KDM4C: variants seen among roughly 807,000 people sequenced by gnomAD.
The protein encoded by KDM4C is lysine demethylase 4C.
KDM4C carries 81 observed loss-of-function variants against 129.3 expected under a neutral mutation model. The ratio of observed to expected loss-of-function variants is 0.63; its 90% CI spans 0.52 to 0.75. The LOEUF is 0.75. Among genes scored for constraint, KDM4C ranks in the 30% least tolerant of loss-of-function variants. KDM4C has a pLI of 0.00. For synonymous variants in KDM4C, 573 were observed against 456.1 expected (o/e 1.26, Z -3.26); for missense variants, 1,457 against 1,304.0 (o/e 1.12, Z -1.81).
intron 18 of KDM4C, among the ~76,000 whole-genome samples, chr9:7,105,002 A>T (rs1837517490): frequency 6.6e-6 from 1 of 151,772 alleles, no homozygotes; most frequent in East Asian, 2.0e-4. Context: ...CATCTATTTT[A>T]TTTGTCTTAT....
chr9:6,726,875 A>G (rs1041859715), intron 1 of KDM4C: 5 of 152,092 alleles, frequency 3.3e-5, no homozygotes, highest in Non-Finnish European at 7.3e-5. Context: ...AGCTGGGATT[A>G]CAGGCATACG....
At chr9:7,076,324 C>G (rs1833908803) in intron 17 of KDM4C, 1 of 746,904 alleles carries the variant, frequency 1.3e-6, no homozygotes, top group East Asian at 2.7e-5. Context: ...TGGGAAGTGT[C>G]TGAGCTGGGA....
intron 5 of KDM4C, among the ~76,000 whole-genome samples, chr9:6,851,095 C>T (rs1838765012): frequency 6.6e-6 from 1 of 152,148 alleles, no homozygotes; most frequent in African/African-American, 2.4e-5. Flanking sequence ...CTCATACAGG[C>T]TCCAGTGACA....
intron 1 of KDM4C, among the ~76,000 whole-genome samples, chr9:6,723,213 A>C (rs1026041873): frequency 3.3e-5 from 5 of 151,938 alleles, no homozygotes; most frequent in Non-Finnish European, 7.4e-5. Flanking sequence ...GTCTCTACTA[A>C]AAATACAAAA....
chr9:6,966,653 G>A (rs1305915362), intron 8 of KDM4C, among the ~76,000 whole-genome samples: 1 of 152,162 alleles, frequency 6.6e-6, no homozygotes, highest in African/African-American at 2.4e-5. Flanking sequence ...TAATAGAAGA[G>A]TTAATCCACA....
intron 1 of KDM4C, among the ~76,000 whole-genome samples, chr9:6,725,338 G>A (rs2130184738): frequency 6.6e-6 from 1 of 151,678 alleles, no homozygotes; most frequent in South Asian, 2.1e-4. Flanking sequence ...GTGTGTGTGT[G>A]TCTTTCTCTG....
chr9:6,978,611 T>A (rs1481559407), intron 8 of KDM4C: 1 of 152,212 alleles, frequency 6.6e-6, no homozygotes, highest in African/African-American at 2.4e-5. Flanking sequence ...TTTTTCTGTC[T>A]CTGTTCCTTT....
intron 17 of KDM4C, among the ~76,000 whole-genome samples, chr9:7,052,894 A>AGAGAGAGAGAGAGCGAGAGAGAGAGC (rs1339242817): frequency 9.5e-6 from 1 of 105,468 alleles, no homozygotes; most frequent in African/African-American, 3.5e-5. Flanking sequence ...AGAGAGAGAG[A>AGAGAGAGAGAGAGCGAGAGAGAGAGC]GAGAGAGCGA....
chr9:6,950,657 T>C (rs541361492), intron 8 of KDM4C, among the ~76,000 whole-genome samples: 1 of 152,366 alleles, frequency 6.6e-6, no homozygotes, highest in Admixed American at 6.5e-5. Context: ...CTAGCTCTTC[T>C]AGCTAGCCAA....
chr9:7,045,672 T>C (rs193107821), intron 15 of KDM4C, among the ~76,000 whole-genome samples: 285 of 152,102 alleles, frequency 1.9e-3, no homozygotes, highest in African/African-American at 6.6e-3. Context: ...CAAATCAATA[T>C]ACACAGTGTA....
At chr9:6,866,082 A>T (rs1841917348) in intron 5 of KDM4C, among the ~76,000 whole-genome samples, 1 of 150,868 alleles carries the variant, frequency 6.6e-6, no homozygotes, top group African/African-American at 2.4e-5. Context: ...ACAGGGTTTC[A>T]CCATGTTGAA....
intron 18 of KDM4C, among the ~76,000 whole-genome samples, chr9:7,111,497 CAG>C (rs1838314382): frequency 1.3e-5 from 2 of 151,856 alleles, no homozygotes; most frequent in East Asian, 1.9e-4. Context: ...GAAATGGAAA[CAG>C]AGTGAGTTTA....
chr9:7,111,781 T>C (rs1482976356), intron 18 of KDM4C, among the ~76,000 whole-genome samples: 1 of 152,184 alleles, frequency 6.6e-6, no homozygotes, highest in East Asian at 1.9e-4. Flanking sequence ...GTGAAGACTG[T>C]CTTTCATAAA....
At chr9:6,942,522 C>G (rs3818889) in intron 8 of KDM4C, 51,435 of 151,312 alleles carry the variant, frequency 0.34, 9,254 homozygotes, top group East Asian at 0.57. Context: ...CTGCATGTTA[C>G]GTGTAGTGGC....
intron 15 of KDM4C, among the ~76,000 whole-genome samples, chr9:7,033,541 A>G (rs911987619): frequency 3.9e-5 from 6 of 152,250 alleles, no homozygotes; most frequent in African/African-American, 1.4e-4. Context: ...GATATCAGTT[A>G]TCCTGACAGC....
chr9:6,919,836 A>C (rs1050882719), intron 8 of KDM4C, among the ~76,000 whole-genome samples: 1 of 152,038 alleles, frequency 6.6e-6, no homozygotes, highest in Non-Finnish European at 1.5e-5. Context: ...TGGCCCCCCA[A>C]AGTGCTAGGA....
At chr9:6,736,775 G>A (rs969641804) in intron 1 of KDM4C, among the ~76,000 whole-genome samples, 1 of 152,100 alleles carries the variant, frequency 6.6e-6, no homozygotes, top group Non-Finnish European at 1.5e-5. Flanking sequence ...TATCCACCAG[G>A]AGCAGTGGCT....
At chr9:6,827,323 G>A in intron 4 of KDM4C, among the ~76,000 whole-genome samples, 1 of 152,286 alleles carries the variant, frequency 6.6e-6, no homozygotes, top group East Asian at 1.9e-4. Context: ...TTTATGATAA[G>A]CAATATTTAA....
chr9:6,759,245 C>G (rs146433778), intron 1 of KDM4C, among the ~76,000 whole-genome samples: 1 of 152,250 alleles, frequency 6.6e-6, no homozygotes, highest in African/African-American at 2.4e-5. Context: ...AAACTCTGCC[C>G]TATTTTCACC....
Sources: gnomAD v4.1 joint callset for allele counts (sites outside exome capture counted in the v4.1 genomes callset) on GRCh38, gnomAD v4.1.1 for gene constraint, MANE v1.5 for transcripts, NCBI Gene and HGNC (gene_info 2026-07-23, HGNC 2026-07-21) for gene names.